Variants in PTPRS observed in about 807,000 individuals in gnomAD.
PTPRS encodes protein tyrosine phosphatase receptor type S.
A neutral mutation model predicts 215.3 loss-of-function variants in PTPRS; 63 were observed. That is an observed-to-expected ratio of 0.29 (90% CI 0.24 to 0.36). PTPRS has a LOEUF of 0.36. Ranked by LOEUF, PTPRS falls within the 10% of genes least tolerant of loss-of-function variation. PTPRS has a pLI of 1.00. For synonymous variants in PTPRS, 1,404 were observed against 1,191.4 expected (o/e 1.18, Z -3.68); for missense variants, 2,258 against 2,825.8 (o/e 0.80, Z 4.56).
chr19:5,309,326 G>GC (rs2049615638), intron 1 of PTPRS, among the ~76,000 whole-genome samples: 1 of 152,172 alleles, frequency 6.6e-6, no homozygotes, highest in African/African-American at 2.4e-5. Context: ...GCCCCATCCA[G>GC]CCCCAAGTGT....
At chr19:5,260,728 A>G in intron 7 of PTPRS, 77 bp downstream of exon 7, 1 of 1,566,480 alleles carries the variant, frequency 6.4e-7, no homozygotes, top group Non-Finnish European at 8.8e-7. Flanking sequence ...GCCTGGGGGC[A>G]GGCCCTGTGG....
At chr19:5,227,235 A>G (rs2042580465) in intron 16 of PTPRS, among the ~76,000 whole-genome samples, 1 of 151,906 alleles carries the variant, frequency 6.6e-6, no homozygotes, top group Non-Finnish European at 1.5e-5. Flanking sequence ...TATTTTTTGT[A>G]GAGATGGGAT....
At chr19:5,291,305 T>C (rs1236279509) in intron 1 of PTPRS, among the ~76,000 whole-genome samples, 1 of 151,754 alleles carries the variant, frequency 6.6e-6, no homozygotes, top group Non-Finnish European at 1.5e-5. Context: ...TTTAACGGAT[T>C]AGGAAACCGA....
At chr19:5,273,856 G>T (rs1185573305) in intron 3 of PTPRS, among the ~76,000 whole-genome samples, 2 of 152,224 alleles carry the variant, frequency 1.3e-5, no homozygotes, top group African/African-American at 2.4e-5. Context: ...TGACAGGCAT[G>T]CAAAGGCATG....
intron 1 of PTPRS, among the ~76,000 whole-genome samples, chr19:5,308,960 G>T (rs2049596530): frequency 6.6e-6 from 1 of 152,298 alleles, no homozygotes; most frequent in South Asian, 2.1e-4. Flanking sequence ...ACGGGGCAGG[G>T]AGGCAAAAGG....
intron 23 of PTPRS, 61 bp downstream of exon 23, chr19:5,219,249 C>T: frequency 6.3e-7 from 1 of 1,590,824 alleles, no homozygotes; most frequent in Non-Finnish European, 8.6e-7. Flanking sequence ...ACAACTCCTC[C>T]CTCCTTTTCC....
At chr19:5,302,382 G>T (rs1368166272) in intron 1 of PTPRS, among the ~76,000 whole-genome samples, 1 of 152,036 alleles carries the variant, frequency 6.6e-6, no homozygotes, top group African/African-American at 2.4e-5. Flanking sequence ...CAACTTTCAT[G>T]CCACTGTCTC....
At chr19:5,310,031 C>G (rs1173795372) in intron 1 of PTPRS, among the ~76,000 whole-genome samples, 1 of 152,208 alleles carries the variant, frequency 6.6e-6, no homozygotes, top group African/African-American at 2.4e-5. Context: ...ACAACCTGCT[C>G]TGTCCTCTCC....
intron 1 of PTPRS, among the ~76,000 whole-genome samples, chr19:5,322,478 G>T (rs1241073362): frequency 6.6e-6 from 1 of 152,108 alleles, no homozygotes; most frequent in African/African-American, 2.4e-5. Flanking sequence ...AGCAGCCGCG[G>T]GGACCGACTC....
At position 5,337,730 on chromosome 19, in the gene PTPRS, G is replaced by C. The variant is rs540413247; in HGVS notation, c.-95+2934C>G. ...TGATGGCTCCAGGTCTCCCCACCCA[G>C]ATGCTACCACGAAATCCCTGGCATC... On this transcript the variant is annotated intron_variant, in intron 1 of 37. Coordinates refer to ENST00000262963, the MANE Select transcript of PTPRS (RefSeq NM_002850.4). 7.6e-4 allele frequency among the ~76,000 whole-genome samples: 115 copies of C among 152,266 alleles called. 1 individual carries two copies. Among genetic ancestry groups the C allele is most frequent in the Admixed American group, 2.1e-3 (32 of 15,294 alleles).
intron 1 of PTPRS, among the ~76,000 whole-genome samples, chr19:5,301,970 G>A (rs4807717): frequency 0.3 from 45,148 of 151,458 alleles, 6,905 homozygotes; most frequent in South Asian, 0.35. Flanking sequence ...TAGTAGAGAC[G>A]GGGTTTCACC....
At chr19:5,305,058 G>A (rs1343401809) in intron 1 of PTPRS, among the ~76,000 whole-genome samples, 2 of 137,058 alleles carry the variant, frequency 1.5e-5, no homozygotes, top group African/African-American at 5.5e-5. Flanking sequence ...GTAGGAGAAG[G>A]TGGTCTCTCT....
At chr19:5,220,924 G>A in intron 20 of PTPRS, 76 bp downstream of exon 20, 6 of 1,497,346 alleles carry the variant, frequency 4.0e-6, no homozygotes, top group Non-Finnish European at 4.5e-6. Flanking sequence ...GGCACAGAGA[G>A]GGCACGTGGC....
chr19:5,303,587 G>C (rs535136971), intron 1 of PTPRS, among the ~76,000 whole-genome samples: 1 of 152,016 alleles, frequency 6.6e-6, no homozygotes, highest in Non-Finnish European at 1.5e-5. Flanking sequence ...AAAAGAGAGG[G>C]GGACTGGTGC....
intron 1 of PTPRS, among the ~76,000 whole-genome samples, chr19:5,327,501 G>A (rs1038265837): frequency 6.6e-6 from 1 of 152,076 alleles, no homozygotes; most frequent in African/African-American, 2.4e-5. Flanking sequence ...TGCTAAACCC[G>A]ATCCCCCAAA....
rs1183817023 is a variant in PTPRS at position 5,225,812 on chromosome 19, G to A, written c.2409C>T (p.Thr803=). 12 of 1,613,862 alleles carry A rather than the reference G, an allele frequency of 7.4e-6. No individual in the cohort carries two copies. Among genetic ancestry groups the A allele is most frequent in the African/African-American group, 2.7e-5 (2 of 74,890 alleles). Residue 803 remains threonine, a synonymous_variant, in exon 17 of 38, where the codon ACC becomes ACT. Transcript: ENST00000262963. ...EMVITNLQPE[T]AYSITVAAYT... ...AGGCGGCTACCGTGATGGAGTACGC[G>A]GTCTCAGGCTGCAAGTTTGTGATGA...
chr19:5,215,075 T>C (rs1057057513), intron 28 of PTPRS, among the ~76,000 whole-genome samples: 13 of 152,236 alleles, frequency 8.5e-5, no homozygotes, highest in Non-Finnish European at 1.0e-4. Context: ...ACTGCTCTGA[T>C]TGGTCACAAC....
rs929872590 is a variant in PTPRS, at chr19:5,293,689, G to A, written c.-94-7455C>T. On this transcript the variant is annotated intron_variant, in intron 1 of 37. Coordinates refer to ENST00000262963, the MANE Select transcript of PTPRS (RefSeq NM_002850.4). This position sits in a 1 kb window ranked among gnomAD's most constrained non-coding sequence, Gnocchi z 8.4. Reference sequence around the variant, plus strand: ...TTCCCCTCCCAGTCTGGGTGGGACCGGAGGCACGGTGATGGGGGCGGGGGG... The same window carrying A: ...TTCCCCTCCCAGTCTGGGTGGGACCAGAGGCACGGTGATGGGGGCGGGGGG... Among the ~76,000 whole-genome samples, 5 of 152,136 alleles carry A rather than the reference G, an allele frequency of 3.3e-5. No individual in the cohort carries two copies. The highest frequency in any genetic ancestry group is 4.8e-5 in the African/African-American group (2 of 41,434).
chr19:5,268,314 C>CAA (rs764011181), intron 4 of PTPRS, among the ~76,000 whole-genome samples: 3 of 152,008 alleles, frequency 2.0e-5, no homozygotes, highest in Non-Finnish European at 4.4e-5. Context: ...CCTGTAGAGC[C>CAA]AAAAATATTT....
Sources: gnomAD v4.1 joint callset for allele counts (sites outside exome capture counted in the v4.1 genomes callset) on GRCh38, gnomAD v4.1.1 for gene constraint, Gnocchi (gnomAD v3.1) non-coding constraint, MANE v1.5 for transcripts, NCBI Gene and HGNC (gene_info 2026-07-23, HGNC 2026-07-21) for gene names.